Variants in MACF1 observed in about 807,000 individuals in gnomAD.
MACF1 encodes the protein microtubule-actin cross-linking factor 1.
A neutral mutation model predicts 854.8 loss-of-function variants in MACF1; 193 were observed. That is an observed-to-expected ratio of 0.23 (90% CI 0.20 to 0.25). The LOEUF (loss-of-function observed/expected upper bound fraction) is 0.25. Among genes scored for constraint, MACF1 ranks in the 10% least tolerant of loss-of-function variants. The pLI, the probability that MACF1 is intolerant of heterozygous loss-of-function variation, is 1.00. For synonymous variants in MACF1, 3,185 were observed against 3,226.7 expected (o/e 0.99, Z 0.44); for missense variants, 7,722 against 8,929.1 (o/e 0.86, Z 5.45).
At chr1:39,192,182 G>A (rs992542451) in intron 2 of MACF1, among the ~76,000 whole-genome samples, 2 of 152,014 alleles carry the variant, frequency 1.3e-5, no homozygotes, top group Non-Finnish European at 2.9e-5. Flanking sequence ...ACTTAAAAAT[G>A]GTTACCCAGA....
chr1:39,421,870 C>T (rs550431712), intron 58 of MACF1, among the ~76,000 whole-genome samples: 14 of 152,016 alleles, frequency 9.2e-5, no homozygotes, highest in East Asian at 3.9e-4. Flanking sequence ...GTCAGGAGAT[C>T]GAGACCATCC....
At chr1:39,192,610 A>G (rs1320693991) in intron 2 of MACF1, among the ~76,000 whole-genome samples, 1 of 152,242 alleles carries the variant, frequency 6.6e-6, no homozygotes, top group East Asian at 1.9e-4. Flanking sequence ...GAATTTCATC[A>G]GAATAAAAGC....
chr1:39,235,387 C>T (rs1001343170), intron 2 of MACF1, among the ~76,000 whole-genome samples: 3 of 152,350 alleles, frequency 2.0e-5, no homozygotes, highest in African/African-American at 4.8e-5. Flanking sequence ...CGCAGGCACT[C>T]GGCAGGCTGA....
intron 36 of MACF1, 101 bp from the exon 37 acceptor site, chr1:39,331,102 T>C: frequency 7.0e-7 from 1 of 1,427,168 alleles, no homozygotes; most frequent in East Asian, 2.5e-5. Flanking sequence ...CTATAGTTCT[T>C]TGAATGACTC....
chr1:39,412,212 G>A, intron 58 of MACF1: 1 of 1,613,842 alleles, frequency 6.2e-7, no homozygotes, highest in Non-Finnish European at 8.5e-7. Flanking sequence ...GCATTGAGAG[G>A]GTCACCTTCA....
rs1367312850 is a variant in MACF1 at position 39,385,719 on chromosome 1, A to C, written c.14134A>C (p.Ile4712Leu). Residue 4712 changes from isoleucine (I) to leucine (L), a missense_variant, in exon 57 of 101, where the codon ATC becomes CTC. This residue lies in a region of MACF1 where 2,807 missense variants were observed against 3,235.8 expected (regional missense o/e 0.87). Transcript: ENST00000564288. ...VGQRLSVQSA[I>L]STQPEAVKQQ... ...ACAACGGCTGAGTGTCCAGTCAGCT[A>C]TCAGCACCCAACCAGAGGCTGTAAA... The C allele has an allele frequency of 8.7e-6, 14 of 1,614,092 alleles. No homozygotes were observed. The highest frequency in any genetic ancestry group is 2.2e-5 in the East Asian group (1 of 44,894).
intron 84 of MACF1, among the ~76,000 whole-genome samples, chr1:39,449,150 T>G (rs1429536739): frequency 2.0e-5 from 3 of 152,188 alleles, no homozygotes; most frequent in African/African-American, 7.2e-5. Context: ...TACTACTGAA[T>G]ATGTACCAAA....
intron 88 of MACF1, among the ~76,000 whole-genome samples, chr1:39,454,398 T>C (rs1336117697): frequency 3.9e-5 from 6 of 152,202 alleles, no homozygotes; most frequent in Admixed American, 3.9e-4. Flanking sequence ...GGAACAACTA[T>C]ACTAGATTTT....
chr1:39,448,302 C>T, intron 83 of MACF1, 150 bp downstream of exon 83: 1 of 886,632 alleles, frequency 1.1e-6, no homozygotes, highest in Admixed American at 2.6e-5. Context: ...CATTTTATAT[C>T]TAGATGGTCT....
At chr1:39,378,908 T>A (rs1649946505) in intron 53 of MACF1, among the ~76,000 whole-genome samples, 1 of 152,230 alleles carries the variant, frequency 6.6e-6, no homozygotes, top group South Asian at 2.1e-4. Context: ...CCAAGTCCCT[T>A]AATCCCAATA....
At position 39,295,043 on chromosome 1, in the gene MACF1, C is replaced by T. The variant is rs1167293906; in HGVS notation, c.2155-3C>T. 4 of 1,609,260 alleles carry T rather than the reference C, an allele frequency of 2.5e-6. No individual in the cohort carries two copies. The South Asian group carries it at 4.4e-5, about 18-fold the overall frequency. On this transcript the variant is annotated splice_region_variant and splice_polypyrimidine_tract_variant and intron_variant, in intron 18 of 100. Coordinates refer to ENST00000564288, the MANE Select transcript of MACF1 (RefSeq NM_001394062.1). ...ATGCTGTAAAATTGAATTCCATTTTCAGGAGTTGACAATGGAACTGGAGGA... is the reference window on the plus strand; with the variant it reads ...ATGCTGTAAAATTGAATTCCATTTTTAGGAGTTGACAATGGAACTGGAGGA...
At position 39,140,166 on chromosome 1, in the gene MACF1, G is replaced by A. The variant is rs934722916; in HGVS notation, c.220+55728G>A. Among the ~76,000 whole-genome samples the A allele has an allele frequency of 3.3e-5, 5 of 152,074 alleles. No homozygotes were observed. The East Asian group carries it at 9.6e-4, about 29-fold the overall frequency. On this transcript the variant is annotated intron_variant, in intron 2 of 93. Transcript: ENST00000361689. Reference sequence around the variant, plus strand: ...GATGGGGTCTCACTGTGTTGCCCAGGCTGGTCTTGAACTCCTGACCTGAAA... The same window carrying A: ...GATGGGGTCTCACTGTGTTGCCCAGACTGGTCTTGAACTCCTGACCTGAAA...
At position 39,424,146 on chromosome 1, in the gene MACF1, A is replaced by G. The variant is rs200855192; in HGVS notation, c.16268A>G (p.Glu5423Gly). ...ADREKITGQL[E>G]SLESRWTELL... ...AGAGAGAAAATCACTGGACAGCTGG[A>G]GAGTCTTGAAAGTAGATGGACTGAA... Residue 5423 changes from glutamate (E) to glycine (G), a missense_variant, in exon 61 of 101, where the codon GAG becomes GGG. Coordinates refer to ENST00000564288, the MANE Select transcript of MACF1 (RefSeq NM_001394062.1). The G allele has an allele frequency of 3.7e-6, 6 of 1,613,548 alleles. No individual in the cohort carries two copies. The highest frequency in any genetic ancestry group is 5.1e-6 in the Non-Finnish European group (6 of 1,179,900).
At chr1:39,428,328 AT>A in intron 63 of MACF1, 41 bp downstream of exon 63, 1 of 1,476,706 alleles carries the variant, frequency 6.8e-7, no homozygotes, top group South Asian at 1.3e-5. Context: ...TTATTCTGTT[AT>A]TTTGTTATTT....
intron 50 of MACF1, among the ~76,000 whole-genome samples, chr1:39,369,305 G>T (rs1178762864): frequency 6.6e-6 from 1 of 152,170 alleles, no homozygotes; most frequent in Non-Finnish European, 1.5e-5. Flanking sequence ...GCATGAACAA[G>T]ACTTCTTATC....
In MACF1 at chr1:39,484,597, T is replaced by A. The variant is rs1362268511; in HGVS notation, c.22282-4T>A. ...AATGTGACCTTTTTATTATTTTTTT[T>A]AAGGTTATCCCATCATCAGGTAGCA... On this transcript the variant is annotated splice_region_variant and splice_polypyrimidine_tract_variant and intron_variant, in intron 99 of 100. Transcript: ENST00000564288. 1.9e-6 allele frequency: 3 copies of A among 1,603,612 alleles called. No individual in the cohort carries two copies. Among genetic ancestry groups the A allele is most frequent in the African/African-American group, 1.3e-5 (1 of 74,314 alleles).
chr1:39,453,655 T>A (rs1644381850), intron 87 of MACF1, 52 bp from the exon 88 acceptor site: 1 of 1,527,762 alleles, frequency 6.5e-7, no homozygotes, highest in Admixed American at 1.7e-5. Context: ...AAACTAACAG[T>A]GCTGCTAATG....
At chr1:39,152,248 C>T (rs1409429393) in intron 2 of MACF1, among the ~76,000 whole-genome samples, 1 of 152,200 alleles carries the variant, frequency 6.6e-6, no homozygotes. Context: ...GCTGGGATTA[C>T]AGGCATGCAA....
At chr1:39,352,094 C>T (rs546492444) in intron 43 of MACF1, among the ~76,000 whole-genome samples, 25 of 152,238 alleles carry the variant, frequency 1.6e-4, no homozygotes, top group African/African-American at 5.3e-4. Context: ...AATTTGAATT[C>T]TTTGTTTAGC....
Sources: gnomAD v4.1 joint callset for allele counts (sites outside exome capture counted in the v4.1 genomes callset) on GRCh38, gnomAD v4.1.1 for gene constraint, gnomAD v4.1.1 regional missense constraint, MANE v1.5 for transcripts, NCBI Gene and HGNC (gene_info 2026-07-23, HGNC 2026-07-21) for gene names.